The following KDM7A variants were observed in gnomAD, a reference collection of about 807,000 sequenced individuals.
KDM7A encodes lysine demethylase 7A, also known as lysine-specific demethylase 7A.
In KDM7A, 28 loss-of-function variants were observed where a neutral mutation model predicts 114.8. The ratio of observed to expected loss-of-function variants is 0.24; its 90% CI spans 0.18 to 0.33. The LOEUF is 0.33. KDM7A is among the 10% of genes least tolerant of loss of function. The probability of loss-of-function intolerance (pLI) is 1.00; values close to 1 mark genes in which losing one functional copy is unlikely to be tolerated. For missense variants in KDM7A, 942 were observed against 1,142.5 expected (o/e 0.82, Z 2.53); for synonymous variants, 423 against 397.8 (o/e 1.06, Z -0.75).
At position 140,099,954 on chromosome 7, in the gene KDM7A, A is replaced by C; in HGVS notation, c.1708T>G (p.Trp570Gly). The C allele has an allele frequency of 6.2e-7, 1 of 1,613,044 alleles. No homozygotes were observed. The highest frequency in any genetic ancestry group is 1.1e-5 in the South Asian group (1 of 91,066). The change falls in exon 13 of 20, where the codon TGG (tryptophan) becomes GGG (glycine). Residue 570 changes from tryptophan (W) to glycine (G), a missense_variant. Trp to Gly is a radical substitution (Grantham distance 184, BLOSUM62 -2). This residue lies in a region of KDM7A where 512 missense variants were observed against 576.6 expected (regional missense o/e 0.89). Transcript: ENST00000397560. ...CGTAGATCATTATCTTTCGCTCTCC[A>C]TTCAGGTACTGTGGAGGATGGTTGG... ...HLQPSSTVPE[W>G]RAKDNDLRLL... is the part of the protein sequence containing the mutation.
intron 2 of KDM7A, among the ~76,000 whole-genome samples, chr7:140,135,193 G>T (rs1818847450): frequency 6.8e-6 from 1 of 148,122 alleles, no homozygotes; most frequent in Admixed American, 6.8e-5. Context: ...ACTATATATA[G>T]ATACATAACT....
Position 140,089,883 on chromosome 7 carries a change from C to T in KDM7A, c.*1211G>A, listed in dbSNP as rs1170930131. 6.6e-6 allele frequency: 1 copy of T among 152,158 alleles called. No individual in the cohort carries two copies. Among genetic ancestry groups the T allele is most frequent in the Non-Finnish European group, 1.5e-5 (1 of 68,026 alleles). 9.4% of individuals were successfully genotyped at this position (152,158 alleles called of 1,614,324 possible). On this transcript the variant is annotated 3_prime_UTR_variant, in exon 20 of 20. Coordinates refer to ENST00000397560, the MANE Select transcript of KDM7A (RefSeq NM_030647.2). ...AAGAAATAAAAAAAGTAAATACACA[C>T]AAAAGATCTATTCCAACATGCTTGC... is the stretch of plus-strand genomic sequence containing the variant.
At chr7:140,147,125 C>T (rs757093851) in intron 1 of KDM7A, among the ~76,000 whole-genome samples, 6 of 151,918 alleles carry the variant, frequency 3.9e-5, no homozygotes, top group African/African-American at 7.3e-5. Flanking sequence ...TTTACTGATA[C>T]ACATTTCCTA....
At chr7:140,169,479 G>T (rs1794614562) in intron 1 of KDM7A, among the ~76,000 whole-genome samples, 1 of 152,098 alleles carries the variant, frequency 6.6e-6, no homozygotes, top group Non-Finnish European at 1.5e-5. Context: ...GAAAAATACA[G>T]AACAGGAGAG....
chr7:140,128,613 C>A (rs1818742806), intron 4 of KDM7A, among the ~76,000 whole-genome samples: 1 of 152,160 alleles, frequency 6.6e-6, no homozygotes, highest in African/African-American at 2.4e-5. Flanking sequence ...GTCAAATATT[C>A]AAATTTAGCT....
At chr7:140,099,501 G>C (rs1310084919) in intron 13 of KDM7A, among the ~76,000 whole-genome samples, 2 of 152,132 alleles carry the variant, frequency 1.3e-5, no homozygotes, top group Non-Finnish European at 2.9e-5. Context: ...GCTCATTACA[G>C]ATTAAACGGG....
rs147086632 is a variant in KDM7A, at chr7:140,130,350, T to C, written c.399-697A>G. ...TAAAAACTAGTCAGGCCAGGCACGG[T>C]GGCTCATGTCTGTAATTTCCAGCAC... On this transcript the variant is annotated intron_variant, in intron 3 of 19. Coordinates refer to ENST00000397560, the MANE Select transcript of KDM7A (RefSeq NM_030647.2). Among the ~76,000 whole-genome samples the C allele has an allele frequency of 1.1e-3, 175 of 152,278 alleles. 3 individuals are homozygous for C. Among genetic ancestry groups the C allele is most frequent in the African/African-American group, 4.0e-3 (167 of 41,568 alleles).
chr7:140,149,441 T>C (rs1448431537), intron 1 of KDM7A, among the ~76,000 whole-genome samples: 1 of 152,210 alleles, frequency 6.6e-6, no homozygotes, highest in African/African-American at 2.4e-5. Context: ...TTCATGAAGG[T>C]AATAATTTTT....
intron 3 of KDM7A, among the ~76,000 whole-genome samples, chr7:140,132,577 C>T (rs977105807): frequency 2.6e-5 from 4 of 152,080 alleles, no homozygotes; most frequent in South Asian, 2.1e-4. Context: ...AAAGAAAACA[C>T]GCAAACATTT....
At chr7:140,098,828 T>C (rs1364973180) in intron 14 of KDM7A, 51 bp downstream of exon 14, 1 of 1,458,680 alleles carries the variant, frequency 6.9e-7, no homozygotes, top group Admixed American at 2.0e-5. Context: ...CTTTACATAT[T>C]ATCACATTAG....
At chr7:140,148,366 T>A (rs980915893) in intron 1 of KDM7A, among the ~76,000 whole-genome samples, 1 of 151,912 alleles carries the variant, frequency 6.6e-6, no homozygotes, top group Non-Finnish European at 1.5e-5. Flanking sequence ...TTCGGGTAAC[T>A]TACTTTACCT....
intron 1 of KDM7A, among the ~76,000 whole-genome samples, chr7:140,163,887 G>T (rs1794546490): frequency 6.6e-6 from 1 of 152,034 alleles, no homozygotes. Context: ...TCTCTTTATA[G>T]TAGTACAAGT....
intron 1 of KDM7A, among the ~76,000 whole-genome samples, chr7:140,152,529 C>T (rs747149049): frequency 1.4e-5 from 2 of 143,908 alleles, no homozygotes; most frequent in African/African-American, 2.7e-5. Flanking sequence ...GAGGCTGAGG[C>T]GTGAGAATCA....
At chr7:140,168,514 G>C (rs1356656576) in intron 1 of KDM7A, among the ~76,000 whole-genome samples, 1 of 151,380 alleles carries the variant, frequency 6.6e-6, no homozygotes, top group Non-Finnish European at 1.5e-5. Flanking sequence ...GCTGCAGTGA[G>C]CCAAGATCGC....
At chr7:140,147,756 C>T (rs1159829596) in intron 1 of KDM7A, among the ~76,000 whole-genome samples, 2 of 152,170 alleles carry the variant, frequency 1.3e-5, no homozygotes, top group East Asian at 3.8e-4. Context: ...GGTCTAGAGA[C>T]AGCTATAGGA....
intron 1 of KDM7A, among the ~76,000 whole-genome samples, chr7:140,154,572 CA>C (rs1311746584): frequency 2.7e-5 from 4 of 150,048 alleles, no homozygotes; most frequent in Admixed American, 1.3e-4. Flanking sequence ...AAAGATTCCA[CA>C]GTTCGTAAGA....
At chr7:140,129,418 C>G (rs974819636) in intron 4 of KDM7A, 75 bp downstream of exon 4, 11 of 1,171,928 alleles carry the variant, frequency 9.4e-6, no homozygotes, top group Non-Finnish European at 1.4e-5. Context: ...CTTCATTTAA[C>G]CATTAATATT....
At chr7:140,164,725 T>C (rs1177910572) in intron 1 of KDM7A, among the ~76,000 whole-genome samples, 1 of 152,212 alleles carries the variant, frequency 6.6e-6, no homozygotes, top group Non-Finnish European at 1.5e-5. Context: ...AGGCCTTATC[T>C]TTTAGATTTA....
In KDM7A at chr7:140,086,285, T is replaced by G. The variant is rs529907840; in HGVS notation, c.*4809A>C. 6.6e-6 allele frequency: 1 copy of G among 152,154 alleles called. No individual in the cohort carries two copies. Among genetic ancestry groups the G allele is most frequent in the Non-Finnish European group, 1.5e-5 (1 of 68,030 alleles). The allele number at this position is 152,154 out of a possible 1,614,324, so 9.4% of individuals were successfully genotyped here. ...GAAAGGTTTTAACAACAAAATGTAATGTTATACTTGTTAAGACAAAGTCTT... is the reference window on the plus strand; with the variant it reads ...GAAAGGTTTTAACAACAAAATGTAAGGTTATACTTGTTAAGACAAAGTCTT... On this transcript the variant is annotated 3_prime_UTR_variant, in exon 20 of 20. Transcript: ENST00000397560.
Sources: allele counts gnomAD v4.1 joint callset (sites outside exome capture counted in the v4.1 genomes callset), GRCh38; gene constraint gnomAD v4.1.1; regional missense constraint gnomAD v4.1.1; transcripts MANE v1.5; gene names NCBI Gene and HGNC (gene_info 2026-07-23, HGNC 2026-07-21).